DSCAM: variants seen among roughly 807,000 people sequenced by gnomAD.
DSCAM encodes cell adhesion molecule DSCAM.
In DSCAM, 47 loss-of-function variants were observed where a neutral mutation model predicts 217.7. That is an observed-to-expected ratio of 0.22 (90% CI 0.17 to 0.28). The LOEUF is 0.28. DSCAM is among the 10% of genes least tolerant of loss of function. The pLI, the probability that DSCAM is intolerant of heterozygous loss-of-function variation, is 1.00. For missense variants in DSCAM, 2,080 were observed against 2,618.3 expected (o/e 0.79, Z 4.49); for synonymous variants, 1,056 against 1,015.3 (o/e 1.04, Z -0.76).
At chr21:40,033,027 G>A (rs146512511) in intron 32 of DSCAM, among the ~76,000 whole-genome samples, 10 of 152,306 alleles carry the variant, frequency 6.6e-5, no homozygotes, top group African/African-American at 2.4e-4. Flanking sequence ...CCCCAGAAAT[G>A]CATTTCATTT....
At position 40,011,177 on chromosome 21, in the gene DSCAM, A is replaced by G. The variant is rs2088051454; in HGVS notation, c.*1857T>C. The G allele has an allele frequency of 6.6e-6, 1 of 152,172 alleles. No individual in the cohort carries two copies. The highest frequency in any genetic ancestry group is 6.5e-5 in the Admixed American group (1 of 15,278). The allele number at this position is 152,172 out of a possible 1,614,324, so 9.4% of individuals were successfully genotyped here. A position where few individuals can be genotyped will look rare whatever the true frequency, so the allele number is the denominator to read the frequency against. On this transcript the variant is annotated 3_prime_UTR_variant, in exon 33 of 33. Transcript: ENST00000400454. The stretch of plus-strand genomic sequence containing the variant: ...AACAGTCTGAGAGTATGCAAACAGT[A>G]CACGTCAACACGGATTACATTCTGA...
chr21:40,423,831 T>C (rs1211271609), intron 3 of DSCAM, among the ~76,000 whole-genome samples: 1 of 150,268 alleles, frequency 6.7e-6, no homozygotes, highest in African/African-American at 2.5e-5. Flanking sequence ...TGGCATTTCA[T>C]AGATGTTCCT....
chr21:40,402,215 C>A (rs977860927), intron 3 of DSCAM, among the ~76,000 whole-genome samples: 1 of 150,866 alleles, frequency 6.6e-6, no homozygotes, highest in Non-Finnish European at 1.5e-5. Flanking sequence ...TACAGGCGCC[C>A]GCCACCACGC....
At chr21:40,559,472 A>T (rs2076699929) in intron 3 of DSCAM, among the ~76,000 whole-genome samples, 1 of 151,964 alleles carries the variant, frequency 6.6e-6, no homozygotes, top group Admixed American at 6.5e-5. Flanking sequence ...AAAAAAAAAA[A>T]AAAAGTACAA....
intron 10 of DSCAM, among the ~76,000 whole-genome samples, chr21:40,280,871 T>A (rs2123397468): frequency 6.6e-6 from 1 of 152,298 alleles, no homozygotes; most frequent in Middle Eastern, 3.4e-3. Flanking sequence ...CCAGCTACCA[T>A]GTTGTGAGCT....
intron 3 of DSCAM, among the ~76,000 whole-genome samples, chr21:40,430,765 G>A (rs917441069): frequency 3.3e-5 from 5 of 152,144 alleles, no homozygotes; most frequent in African/African-American, 4.8e-5. Context: ...TGCCGGCTTC[G>A]CCTCTTTGGG....
chr21:40,766,349 T>TTTTTTCC (rs529735263), intron 1 of DSCAM, among the ~76,000 whole-genome samples: 37 of 152,092 alleles, frequency 2.4e-4, no homozygotes, highest in African/African-American at 8.9e-4. Flanking sequence ...ATATATATTT[T>TTTTTTCC]CAAAGGATTA....
intron 3 of DSCAM, among the ~76,000 whole-genome samples, chr21:40,654,952 T>C (rs1409746546): frequency 1.3e-5 from 2 of 152,116 alleles, no homozygotes; most frequent in Non-Finnish European, 2.9e-5. Context: ...CACCAGGGGT[T>C]AAGGATACCC....
chr21:40,712,885 T>A (rs1331454806), intron 1 of DSCAM, among the ~76,000 whole-genome samples: 3 of 151,894 alleles, frequency 2.0e-5, no homozygotes, highest in African/African-American at 7.3e-5. Context: ...TATAGAGAGA[T>A]GCTTACAAAC....
chr21:40,818,586 A>G (rs1000941197), intron 1 of DSCAM, among the ~76,000 whole-genome samples: 2 of 121,030 alleles, frequency 1.7e-5, no homozygotes, highest in African/African-American at 5.9e-5. Flanking sequence ...AAAAAAAAAG[A>G]CAAAGTCACA....
At chr21:40,162,871 C>A (rs542032864) in intron 16 of DSCAM, among the ~76,000 whole-genome samples, 120 of 152,142 alleles carry the variant, frequency 7.9e-4, no homozygotes, top group African/African-American at 2.9e-3. Context: ...AAGCAATTGA[C>A]CATTTCATAT....
At position 40,682,505 on chromosome 21, in the gene DSCAM, AAGAGAGAAAG is replaced by A. The variant is rs1404302935; in HGVS notation, c.508+10295_508+10304del. ...GATGATGAAGCCCTAACCCCAAAGA[AAGAGAGAAAG>A]AGAGAGAAAGAAAAAGAAAAAAGAA... On this transcript the variant is annotated intron_variant, in intron 3 of 32. Coordinates refer to ENST00000400454, the MANE Select transcript of DSCAM (RefSeq NM_001389.5). Among the ~76,000 whole-genome samples, 5 of 150,558 alleles carry A rather than the reference AAGAGAGAAAG, an allele frequency of 3.3e-5. No individual in the cohort carries two copies. The East Asian group carries it at 5.8e-4, about 18-fold the overall frequency.
At chr21:40,716,621 G>A (rs8131938) in intron 1 of DSCAM, among the ~76,000 whole-genome samples, 3,487 of 152,260 alleles carry the variant, frequency 0.023, 57 homozygotes, top group African/African-American at 0.039. Flanking sequence ...ATAAAGAAGA[G>A]TGTTACACCA....
intron 11 of DSCAM, among the ~76,000 whole-genome samples, chr21:40,244,836 A>G (rs1453333219): frequency 1.3e-5 from 2 of 152,164 alleles, no homozygotes; most frequent in African/African-American, 2.4e-5. Flanking sequence ...GGAGTTTTAA[A>G]AAGCAAGAAA....
chr21:40,027,226 G>A (rs2088408914), intron 32 of DSCAM, among the ~76,000 whole-genome samples: 1 of 152,300 alleles, frequency 6.6e-6, no homozygotes, highest in South Asian at 2.1e-4. Flanking sequence ...CTGGCTTGTA[G>A]GGTTTCTGCC....
At chr21:40,619,246 G>T (rs144583736) in intron 3 of DSCAM, among the ~76,000 whole-genome samples, 67 of 152,150 alleles carry the variant, frequency 4.4e-4, no homozygotes, top group African/African-American at 1.6e-3. Flanking sequence ...AACTATACCA[G>T]ATTTATTATA....
At chr21:40,188,549 C>T (rs1216443587) in intron 12 of DSCAM, among the ~76,000 whole-genome samples, 1 of 152,184 alleles carries the variant, frequency 6.6e-6, no homozygotes, top group Non-Finnish European at 1.5e-5. Context: ...AACCGCATGA[C>T]AACAGCACAA....
intron 1 of DSCAM, among the ~76,000 whole-genome samples, chr21:40,815,015 T>C (rs375938857): frequency 1.3e-3 from 203 of 152,224 alleles, no homozygotes; most frequent in Non-Finnish European, 2.1e-3. Context: ...CACATCAAAT[T>C]TTCTAAGCAT....
At chr21:40,595,640 T>C (rs1199387178) in intron 3 of DSCAM, among the ~76,000 whole-genome samples, 1 of 152,078 alleles carries the variant, frequency 6.6e-6, no homozygotes, top group Non-Finnish European at 1.5e-5. Context: ...CCTCCTCACA[T>C]AAAACACTTA....
Sources: allele counts gnomAD v4.1 joint callset (sites outside exome capture counted in the v4.1 genomes callset), GRCh38; gene constraint gnomAD v4.1.1; transcripts MANE v1.5; gene names NCBI Gene and HGNC (gene_info 2026-07-23, HGNC 2026-07-21).